SCCPDH: variants seen among roughly 807,000 people sequenced by gnomAD.
SCCPDH encodes saccharopine dehydrogenase-like oxidoreductase.
Under a neutral mutation model 51.5 loss-of-function variants are expected in SCCPDH, and 34 were observed. That is an observed-to-expected ratio of 0.66 (90% CI 0.50 to 0.88). SCCPDH has a LOEUF of 0.88. Among genes scored for constraint, SCCPDH ranks in the 40% least tolerant of loss-of-function variants. The pLI, the probability that SCCPDH is intolerant of heterozygous loss-of-function variation, is 0.00. For missense variants in SCCPDH, 464 were observed against 527.1 expected (o/e 0.88, Z 1.17); for synonymous variants, 187 against 191.3 (o/e 0.98, Z 0.19).
intron 4 of SCCPDH, among the ~76,000 whole-genome samples, chr1:246,741,225 C>A (rs1433322920): frequency 6.6e-6 from 1 of 152,054 alleles, no homozygotes; most frequent in African/African-American, 2.4e-5. Context: ...AACTATGAAA[C>A]CAAAGTCCAA....
intron 2 of SCCPDH, among the ~76,000 whole-genome samples, chr1:246,734,061 T>C (rs972475629): frequency 9.8e-5 from 15 of 152,294 alleles, no homozygotes; most frequent in South Asian, 4.1e-4. Flanking sequence ...GTGAGGCTTA[T>C]TTACAATGCA....
At chr1:246,760,776 C>A (rs1053967307) in intron 9 of SCCPDH, among the ~76,000 whole-genome samples, 1 of 152,326 alleles carries the variant, frequency 6.6e-6, no homozygotes, top group East Asian at 1.9e-4. Context: ...CCAGGCACTC[C>A]TGGGGGAAAT....
rs1668809366 is a variant in SCCPDH, at chr1:246,748,875, G to GTCCCCCGCAATACCA, written c.564+4751_564+4765dup. ...ATTACTTGCAGAATACCCAGCAATA[G>GTCCCCCGCAATACCA]TCCCCCGCAATACCACCACGCACCT... On this transcript the variant is annotated intron_variant, in intron 5 of 11. Transcript: ENST00000366510. Among the ~76,000 whole-genome samples, 4 of 152,292 alleles carry GTCCCCCGCAATACCA rather than the reference G, an allele frequency of 2.6e-5. No individual in the cohort carries two copies. The South Asian group carries it at 8.3e-4, about 32-fold the overall frequency.
At chr1:246,765,802 A>G (rs912963219) in intron 10 of SCCPDH, among the ~76,000 whole-genome samples, 19 of 152,304 alleles carry the variant, frequency 1.2e-4, no homozygotes, top group African/African-American at 3.6e-4. Context: ...CTCTCTCTCT[A>G]TGGGATAAAA....
chr1:246,762,341 T>G (rs2102991055), intron 9 of SCCPDH, among the ~76,000 whole-genome samples: 1 of 152,328 alleles, frequency 6.6e-6, no homozygotes, highest in Middle Eastern at 3.4e-3. Context: ...TTGTGGATAG[T>G]GCAGGCTTCT....
chr1:246,729,774 A>C (rs1668464431), intron 2 of SCCPDH, among the ~76,000 whole-genome samples: 1 of 151,730 alleles, frequency 6.6e-6, no homozygotes, highest in Non-Finnish European at 1.5e-5. Context: ...ATAAATGTCC[A>C]TGAAATCTTC....
chr1:246,759,114 C>T lies in SCCPDH; in HGVS notation c.776C>T (p.Thr259Ile). The change falls in exon 7 of 12, where the codon ACT becomes ATT. Residue 259 changes from threonine (T) to isoleucine (I), a missense_variant. Transcript: ENST00000366510. ...MGSDVSVVRR[T>I]QRYLYENLEE... ...TCTGATGTGTCTGTTGTAAGGAGGA[C>T]TCAACGTTACTTGTATGAAAATTTA... 1 of 1,601,250 alleles carries T rather than the reference C, an allele frequency of 6.2e-7. No homozygotes were observed. The highest frequency in any genetic ancestry group is 8.6e-7 in the Non-Finnish European group (1 of 1,168,352).
At chr1:246,725,299 A>G (rs543946569) in intron 1 of SCCPDH, among the ~76,000 whole-genome samples, 3 of 152,122 alleles carry the variant, frequency 2.0e-5, no homozygotes, top group East Asian at 1.9e-4. Context: ...CAGGTAGCAT[A>G]TATTTATTGA....
chr1:246,743,456 G>A (rs184198312), intron 4 of SCCPDH, among the ~76,000 whole-genome samples: 107 of 152,000 alleles, frequency 7.0e-4, no homozygotes, highest in African/African-American at 2.4e-3. Context: ...GGTGGTACGC[G>A]CCTGTAATCC....
Position 246,760,165 on chromosome 1 carries a change from C to A in SCCPDH, c.934-6C>A. 1 of 1,603,288 alleles carries A rather than the reference C, an allele frequency of 6.2e-7. No individual in the cohort carries two copies. Among genetic ancestry groups the A allele is most frequent in the South Asian group, 1.1e-5 (1 of 87,546 alleles). ...AATATCACTGACGGTTTTTTTTTCC[C>A]TTTAGTTCCCATGGTTCTTCTCCTT... is the stretch of plus-strand genomic sequence containing the variant. On this transcript the variant is annotated splice_region_variant and splice_polypyrimidine_tract_variant and intron_variant, in intron 8 of 11. Coordinates refer to ENST00000366510, the MANE Select transcript of SCCPDH (RefSeq NM_016002.3).
intron 1 of SCCPDH, 51 bp from the exon 2 acceptor site, chr1:246,726,841 G>A (rs1202574612): frequency 4.8e-6 from 6 of 1,253,350 alleles, no homozygotes; most frequent in African/African-American, 1.5e-5. Context: ...AGATAAGGAA[G>A]ATATAATCCT....
intron 2 of SCCPDH, among the ~76,000 whole-genome samples, chr1:246,734,747 A>T (rs1668543179): frequency 6.6e-6 from 1 of 152,242 alleles, no homozygotes; most frequent in African/African-American, 2.4e-5. Context: ...TTTTGCTGCC[A>T]GGAATGAATA....
At position 246,767,480 on chromosome 1, in the gene SCCPDH, G is replaced by T; in HGVS notation, c.*180G>T. On this transcript the variant is annotated 3_prime_UTR_variant, in exon 12 of 12. Transcript: ENST00000366510. The stretch of plus-strand genomic sequence containing the variant: ...TTACCCTAAATTTCAAATCTGAGTT[G>T]ATTTTGTGATTTTATTGCTTATAAC... 1 of 394,634 alleles carries T rather than the reference G, an allele frequency of 2.5e-6. No homozygotes were observed. The highest frequency in any genetic ancestry group is 4.5e-6 in the Non-Finnish European group (1 of 222,800). 24.4% of individuals were successfully genotyped at this position (394,634 alleles called of 1,614,324 possible). A position where few individuals can be genotyped will look rare whatever the true frequency, so the allele number is the denominator to read the frequency against.
intron 5 of SCCPDH, among the ~76,000 whole-genome samples, chr1:246,753,733 A>T (rs1668889824): frequency 1.3e-5 from 2 of 151,530 alleles, no homozygotes; most frequent in South Asian, 2.1e-4. Flanking sequence ...TTCCCCCGAG[A>T]AGAGAGGAAA....
intron 2 of SCCPDH, among the ~76,000 whole-genome samples, chr1:246,728,122 A>C (rs1007692488): frequency 3.3e-5 from 5 of 152,222 alleles, no homozygotes; most frequent in African/African-American, 1.2e-4. Flanking sequence ...AAAGTCATCA[A>C]GTCACAGGCC....
At chr1:246,729,998 A>G (rs1014525942) in intron 2 of SCCPDH, among the ~76,000 whole-genome samples, 1 of 152,094 alleles carries the variant, frequency 6.6e-6, no homozygotes, top group Non-Finnish European at 1.5e-5. Context: ...TCTTTACTGG[A>G]TTATTTCAAT....
At chr1:246,738,779 C>T (rs573776962) in intron 3 of SCCPDH, among the ~76,000 whole-genome samples, 8 of 151,810 alleles carry the variant, frequency 5.3e-5, no homozygotes, top group African/African-American at 1.9e-4. Context: ...CTTGAACCCG[C>T]GAGGTGGAGG....
intron 5 of SCCPDH, among the ~76,000 whole-genome samples, chr1:246,757,322 T>C (rs6686584): frequency 0.47 from 65,638 of 139,350 alleles, 14,955 homozygotes; most frequent in Admixed American, 0.54. Context: ...CCCGTCTGGG[T>C]GACAAGAGCA....
At position 246,737,695 on chromosome 1, in the gene SCCPDH, G is replaced by C. The variant is rs957634529; in HGVS notation, c.384+1640G>C. On this transcript the variant is annotated intron_variant, in intron 3 of 11. Transcript: ENST00000366510. The stretch of plus-strand genomic sequence containing the variant: ...TAACCTCTGCCACCTGGGTTCAAGC[G>C]ATTCTCCTGCCTCAACCTCCTGAGT... 2.6e-4 allele frequency among the ~76,000 whole-genome samples: 39 copies of C among 151,954 alleles called. 1 individual carries two copies. Among genetic ancestry groups the C allele is most frequent in the African/African-American group, 8.9e-4 (37 of 41,470 alleles).
Sources: gnomAD v4.1 joint callset for allele counts (sites outside exome capture counted in the v4.1 genomes callset) on GRCh38, gnomAD v4.1.1 for gene constraint, MANE v1.5 for transcripts, NCBI Gene and HGNC (gene_info 2026-07-23, HGNC 2026-07-21) for gene names.